The following PATE2 variants were observed in gnomAD, a reference collection of about 807,000 sequenced individuals.
PATE2 encodes prostate and testis expressed protein 2.
In PATE2, 7 loss-of-function variants were observed where a neutral mutation model predicts 10.5. The observed-to-expected ratio is 0.66, with a 90% CI of 0.38 to 1.25. The LOEUF is 1.25. Among genes scored for constraint, PATE2 ranks in the 50% most tolerant of loss-of-function variants. The pLI is 0.02. For missense variants in PATE2, 133 were observed against 135.4 expected (o/e 0.98, Z 0.09); for synonymous variants, 44 against 46.9 (o/e 0.94, Z 0.25).
In PATE2 at chr11:125,778,018, A is replaced by T. The variant is rs1366344132; in HGVS notation, c.77-16T>A. The T allele has an allele frequency of 1.2e-6, 2 of 1,610,564 alleles. No homozygotes were observed. The highest frequency in any genetic ancestry group is 1.7e-6 in the Non-Finnish European group (2 of 1,178,750). ...ATTTCAGTCGCTGCCAGATACAAAA[A>T]GAGGTGCTTAGAGGATGCAGTCTTG... On this transcript the variant is annotated splice_polypyrimidine_tract_variant and intron_variant, in intron 2 of 3. Coordinates refer to ENST00000358524, the MANE Select transcript of PATE2 (RefSeq NM_212555.3).
At position 125,777,982 on chromosome 11, in the gene PATE2, C is replaced by G. The variant is rs749597384; in HGVS notation, c.97G>C (p.Glu33Gln). The G allele has an allele frequency of 2.5e-6, 4 of 1,613,180 alleles. No homozygotes were observed. Among genetic ancestry groups the G allele is most frequent in the Non-Finnish European group, 3.4e-6 (4 of 1,179,448 alleles). ...AACCCAAGATGATATTTTTTACATTCATAACACATTATTTCAGTCGCTGCC... is the reference window on the plus strand; with the variant it reads ...AACCCAAGATGATATTTTTTACATTGATAACACATTATTTCAGTCGCTGCC... ...PIKATEIMCY[E>Q]CKKYHLGLCY... Residue 33 changes from glutamate to glutamine, a missense_variant, in exon 3 of 4, where the codon GAA (glutamate) becomes CAA (glutamine). Transcript: ENST00000358524.
intron 3 of PATE2, among the ~76,000 whole-genome samples, 155 bp from the exon 4 acceptor site, chr11:125,777,673 A>G (rs371627059): frequency 6.6e-6 from 1 of 152,114 alleles, no homozygotes; most frequent in Non-Finnish European, 1.5e-5. Context: ...CAGAGAGTAG[A>G]TTTTATTCCC....
chr11:125,777,956 T>C lies in PATE2; in HGVS notation c.123A>G (p.Leu41=), dbSNP rs1565420852. Residue 41 remains leucine, a synonymous_variant, in exon 3 of 4, where the codon TTA becomes TTG. Coordinates refer to ENST00000358524, the MANE Select transcript of PATE2 (RefSeq NM_212555.3). ...CYECKKYHLG[L]CYGVMTSCSL... is the part of the protein sequence containing the mutation. ...AGCAGGATGTCATGACACCATAGCA[T>C]AACCCAAGATGATATTTTTTACATT... 1.9e-6 allele frequency: 3 copies of C among 1,613,220 alleles called. No individual in the cohort carries two copies. Among genetic ancestry groups the C allele is most frequent in the Non-Finnish European group, 2.5e-6 (3 of 1,179,340 alleles).
intron 1 of PATE2, 38 bp from the exon 2 acceptor site, chr11:125,778,613 A>G: frequency 6.2e-7 from 1 of 1,611,598 alleles, no homozygotes; most frequent in East Asian, 2.2e-5. Flanking sequence ...TTACAGTCTC[A>G]CATACATCTG....
At chr11:125,778,511 T>C (rs764356282) in intron 2 of PATE2, 41 bp downstream of exon 2, 5 of 1,601,952 alleles carry the variant, frequency 3.1e-6, no homozygotes, top group Middle Eastern at 1.7e-4. Context: ...ATGTCACAAA[T>C]TGCCTGTTTA....
In PATE2 at chr11:125,777,979, A is replaced by G; in HGVS notation, c.100T>C (p.Cys34Arg). 4 of 1,613,236 alleles carry G rather than the reference A, an allele frequency of 2.5e-6. No individual in the cohort carries two copies. Among genetic ancestry groups the G allele is most frequent in the Non-Finnish European group, 3.4e-6 (4 of 1,179,440 alleles). The change falls in exon 3 of 4, where the codon TGT (cysteine) becomes CGT (arginine). Residue 34 changes from cysteine (C) to arginine (R), a missense_variant. Physicochemically the swap from Cys to Arg is radical, Grantham distance 180. Transcript: ENST00000358524. ...IKATEIMCYE[C>R]KKYHLGLCYG... ...CATAACCCAAGATGATATTTTTTAC[A>G]TTCATAACACATTATTTCAGTCGCT...
At position 125,777,187 on chromosome 11, in the gene PATE2, G is replaced by A; in HGVS notation, c.*195C>T. On this transcript the variant is annotated 3_prime_UTR_variant, in exon 4 of 4. Transcript: ENST00000358524. ...TGTTAGCGACAGGGATGTGCAAAGA[G>A]TGAGTCTAGTGCTCCATCATCAATA... is the stretch of plus-strand genomic sequence containing the variant. 1 of 565,894 alleles carries A rather than the reference G, an allele frequency of 1.8e-6. No homozygotes were observed. The highest frequency in any genetic ancestry group is 3.0e-6 in the Non-Finnish European group (1 of 330,950). The allele number at this position is 565,894 out of a possible 1,614,324, so 35.1% of individuals were successfully genotyped here. A position where few individuals can be genotyped will look rare whatever the true frequency, so the allele number is the denominator to read the frequency against.
chr11:125,778,222 T>C (rs545099835), intron 2 of PATE2, among the ~76,000 whole-genome samples: 1 of 152,258 alleles, frequency 6.6e-6, no homozygotes, highest in African/African-American at 2.4e-5. Context: ...TAAAAAAATC[T>C]TGTGAAAGAT....
chr11:125,778,347 C>T (rs566718627), intron 2 of PATE2, among the ~76,000 whole-genome samples: 79 of 152,108 alleles, frequency 5.2e-4, no homozygotes, highest in African/African-American at 1.5e-3. Context: ...ATGATTTTGC[C>T]GAGTAATGGG....
chr11:125,778,499 A>T (rs1943508255), intron 2 of PATE2, 53 bp downstream of exon 2: 1 of 1,583,276 alleles, frequency 6.3e-7, no homozygotes, highest in South Asian at 1.1e-5. Flanking sequence ...TTGCTCCTAA[A>T]CATGTCACAA....
At chr11:125,777,851 A>G in intron 3 of PATE2, 23 bp downstream of exon 3, 1 of 1,610,206 alleles carries the variant, frequency 6.2e-7, no homozygotes, top group East Asian at 2.2e-5. Context: ...GTGATTTTCC[A>G]GTCACTCTAT....
chr11:125,777,834 G>A (rs753856540), intron 3 of PATE2, 40 bp downstream of exon 3: 2 of 1,603,602 alleles, frequency 1.2e-6, no homozygotes, highest in East Asian at 4.5e-5. Context: ...TCTCAGGGAT[G>A]GTGGTGGTGA....
Position 125,777,372 on chromosome 11 carries a change from A to G in PATE2, c.*10T>C. On this transcript the variant is annotated 3_prime_UTR_variant, in exon 4 of 4. Coordinates refer to ENST00000358524, the MANE Select transcript of PATE2 (RefSeq NM_212555.3). ...TGAAAAAGAACCCAAAATCCAGGAG[A>G]GACGTAGAACTAAACTCCCTCAGGG... 6.2e-7 allele frequency: 1 copy of G among 1,611,896 alleles called. No individual in the cohort carries two copies. Among genetic ancestry groups the G allele is most frequent in the Non-Finnish European group, 8.5e-7 (1 of 1,178,588 alleles).
chr11:125,777,016 G>C lies in PATE2; in HGVS notation c.*366C>G. 2 of 176,974 alleles carry C rather than the reference G, an allele frequency of 1.1e-5. No homozygotes were observed. The highest frequency in any genetic ancestry group is 2.4e-5 in the African/African-American group (1 of 42,392). The allele number at this position is 176,974 out of a possible 1,614,324, so 11.0% of individuals were successfully genotyped here. ...CGGAGAGGAGTGTGTGTGTAGATGA[G>C]GATAGAGGATAGTCACAGAATTCTC... On this transcript the variant is annotated 3_prime_UTR_variant, in exon 4 of 4. Coordinates refer to ENST00000358524, the MANE Select transcript of PATE2 (RefSeq NM_212555.3).
At chr11:125,777,725 T>C (rs894216361) in intron 3 of PATE2, 149 bp downstream of exon 3, 40 of 1,166,948 alleles carry the variant, frequency 3.4e-5, no homozygotes, top group Non-Finnish European at 4.3e-5. Context: ...CTCAATATGG[T>C]CTTAGGGAAA....
In PATE2 at chr11:125,777,339, G is replaced by A. The variant is rs375017722; in HGVS notation, c.*43C>T. The A allele has an allele frequency of 3.6e-4, 569 of 1,600,590 alleles. 1 individual carries two copies. The highest frequency in any genetic ancestry group is 4.4e-4 in the Non-Finnish European group (513 of 1,169,448). On this transcript the variant is annotated 3_prime_UTR_variant, in exon 4 of 4. Coordinates refer to ENST00000358524, the MANE Select transcript of PATE2 (RefSeq NM_212555.3). Reference sequence around the variant, plus strand: ...CAGGTTCAGGGAAGAGAAAAAGAGCGTAGTGGTTGAAAAAGAACCCAAAAT... The same window carrying A: ...CAGGTTCAGGGAAGAGAAAAAGAGCATAGTGGTTGAAAAAGAACCCAAAAT...
In PATE2 at chr11:125,777,174, G is replaced by A; in HGVS notation, c.*208C>T. The A allele has an allele frequency of 3.9e-6, 2 of 518,222 alleles. No homozygotes were observed. Among genetic ancestry groups the A allele is most frequent in the Non-Finnish European group, 6.7e-6 (2 of 296,932 alleles). The allele number at this position is 518,222 out of a possible 1,614,324, so 32.1% of individuals were successfully genotyped here. ...AACCCCTCCCACCTGTTAGCGACAG[G>A]GATGTGCAAAGAGTGAGTCTAGTGC... On this transcript the variant is annotated 3_prime_UTR_variant, in exon 4 of 4. Transcript: ENST00000358524.
intron 2 of PATE2, 126 bp downstream of exon 2, chr11:125,778,426 C>A (rs10893426): frequency 2.2e-5 from 24 of 1,074,538 alleles, no homozygotes; most frequent in Non-Finnish European, 3.0e-5. Context: ...TGGCAGGAGG[C>A]GAAACCCCTA....
chr11:125,777,357 C>T lies in PATE2; in HGVS notation c.*25G>A. 1 of 1,608,884 alleles carries T rather than the reference C, an allele frequency of 6.2e-7. No homozygotes were observed. The highest frequency in any genetic ancestry group is 8.5e-7 in the Non-Finnish European group (1 of 1,176,272). On this transcript the variant is annotated 3_prime_UTR_variant, in exon 4 of 4. Coordinates refer to ENST00000358524, the MANE Select transcript of PATE2 (RefSeq NM_212555.3). ...AAAGAGCGTAGTGGTTGAAAAAGAA[C>T]CCAAAATCCAGGAGAGACGTAGAAC...
Sources: gnomAD v4.1 joint callset for allele counts (sites outside exome capture counted in the v4.1 genomes callset) on GRCh38, gnomAD v4.1.1 for gene constraint, MANE v1.5 for transcripts, NCBI Gene and HGNC (gene_info 2026-07-23, HGNC 2026-07-21) for gene names.